The following KCNH5 variants were observed in gnomAD, a reference collection of about 807,000 sequenced individuals.
KCNH5 encodes voltage-gated delayed rectifier potassium channel KCNH5.
In KCNH5, 46 loss-of-function variants were observed where a neutral mutation model predicts 96.1. The ratio of observed to expected loss-of-function variants is 0.48; its 90% CI spans 0.38 to 0.61. The LOEUF (loss-of-function observed/expected upper bound fraction) is 0.61. KCNH5 is among the 20% of genes least tolerant of loss of function. The pLI, the probability that KCNH5 is intolerant of heterozygous loss-of-function variation, is 0.00. For synonymous variants in KCNH5, 439 were observed against 449.8 expected (o/e 0.98, Z 0.30); for missense variants, 907 against 1,225.8 (o/e 0.74, Z 3.88).
intron 10 of KCNH5, among the ~76,000 whole-genome samples, chr14:62,739,020 AT>A (rs1332159031): frequency 6.6e-6 from 1 of 152,150 alleles, no homozygotes; most frequent in Non-Finnish European, 1.5e-5. Flanking sequence ...GAGGGAATAA[AT>A]TGGACAGGAG....
rs372915251 is a variant in KCNH5, at chr14:63,020,970, A to G, written c.74-4016T>C. On this transcript the variant is annotated intron_variant, in intron 1 of 10. Coordinates refer to ENST00000322893, the MANE Select transcript of KCNH5 (RefSeq NM_139318.5). ...GCTAATTTCTGCAAAAGTACTTCAGAAAGTATAAATTCCTCTATAAATAAA... is the reference window on the plus strand; with the variant it reads ...GCTAATTTCTGCAAAAGTACTTCAGGAAGTATAAATTCCTCTATAAATAAA... 2.6e-5 allele frequency among the ~76,000 whole-genome samples: 4 copies of G among 152,164 alleles called. No homozygotes were observed. The East Asian group carries it at 5.8e-4, about 22-fold the overall frequency.
At chr14:62,868,144 C>A (rs1888172826) in intron 7 of KCNH5, among the ~76,000 whole-genome samples, 1 of 152,230 alleles carries the variant, frequency 6.6e-6, no homozygotes, top group Non-Finnish European at 1.5e-5. Context: ...CCCTCTATGC[C>A]TGGAAGGCAC....
chr14:62,925,828 G>A (rs1889465671), intron 7 of KCNH5, among the ~76,000 whole-genome samples: 1 of 151,892 alleles, frequency 6.6e-6, no homozygotes, highest in African/African-American at 2.4e-5. Context: ...TAGTTAAATG[G>A]TTGAGTGCTC....
At chr14:62,826,736 T>A (rs987120244) in intron 8 of KCNH5, among the ~76,000 whole-genome samples, 1 of 152,028 alleles carries the variant, frequency 6.6e-6, no homozygotes, top group Non-Finnish European at 1.5e-5. Flanking sequence ...TGATTTTCCT[T>A]CTAGTATTCA....
At chr14:62,839,359 C>T (rs369026552) in intron 8 of KCNH5, among the ~76,000 whole-genome samples, 2 of 152,110 alleles carry the variant, frequency 1.3e-5, no homozygotes, top group East Asian at 1.9e-4. Flanking sequence ...TATATTCTAA[C>T]ATTTATTTAT....
intron 7 of KCNH5, among the ~76,000 whole-genome samples, chr14:62,900,892 C>T (rs908160173): frequency 3.3e-5 from 5 of 152,000 alleles, no homozygotes; most frequent in African/African-American, 7.3e-5. Flanking sequence ...AGAACGCTTA[C>T]GAATCAATTA....
At chr14:62,981,299 G>GT (rs751912111) in intron 5 of KCNH5, 35 bp from the exon 6 acceptor site, 4 of 1,597,342 alleles carry the variant, frequency 2.5e-6, no homozygotes, top group African/African-American at 1.3e-5. Flanking sequence ...ACATGACTAG[G>GT]TTATCTCTGC....
chr14:62,958,368 C>A (rs895174891), intron 6 of KCNH5, among the ~76,000 whole-genome samples: 1 of 152,134 alleles, frequency 6.6e-6, no homozygotes, highest in East Asian at 1.9e-4. Context: ...AATAGCCTGG[C>A]CTTGGAGTTT....
At chr14:62,737,322 C>G (rs373572191) in intron 10 of KCNH5, among the ~76,000 whole-genome samples, 3 of 152,176 alleles carry the variant, frequency 2.0e-5, no homozygotes, top group African/African-American at 7.2e-5. Flanking sequence ...CAAGGCATAT[C>G]TATTGCATGA....
intron 10 of KCNH5, among the ~76,000 whole-genome samples, chr14:62,759,445 A>C (rs955181027): frequency 6.6e-6 from 1 of 152,122 alleles, no homozygotes; most frequent in African/African-American, 2.4e-5. Flanking sequence ...GAAAATACTG[A>C]GGTGCCTGTG....
intron 10 of KCNH5, among the ~76,000 whole-genome samples, chr14:62,778,653 G>A (rs954489374): frequency 6.6e-6 from 1 of 152,126 alleles, no homozygotes; most frequent in Non-Finnish European, 1.5e-5. Flanking sequence ...TAGGTCTATT[G>A]AGCATACGTA....
At chr14:63,028,285 G>C (rs889778490) in intron 1 of KCNH5, among the ~76,000 whole-genome samples, 6 of 152,070 alleles carry the variant, frequency 3.9e-5, no homozygotes, top group African/African-American at 1.4e-4. Context: ...GCAGGGTCCA[G>C]CTATCACTAC....
intron 10 of KCNH5, among the ~76,000 whole-genome samples, chr14:62,745,296 A>G (rs1206063297): frequency 6.6e-6 from 1 of 152,330 alleles, no homozygotes; most frequent in South Asian, 2.1e-4. Context: ...TATCCTAAAC[A>G]TAGTGGCAGC....
intron 1 of KCNH5, among the ~76,000 whole-genome samples, chr14:63,034,828 A>G (rs1566549282): frequency 1.3e-5 from 2 of 152,212 alleles, no homozygotes; most frequent in Non-Finnish European, 2.9e-5. Context: ...AATAATAGCA[A>G]CTTTGCTATT....
intron 6 of KCNH5, among the ~76,000 whole-genome samples, chr14:62,972,447 G>A (rs991353802): frequency 4.6e-5 from 7 of 152,290 alleles, no homozygotes; most frequent in Non-Finnish European, 5.9e-5. Context: ...CAGTTTGAAA[G>A]TTTCTTACAA....
At chr14:62,981,444 A>G (rs1375747554) in intron 5 of KCNH5, among the ~76,000 whole-genome samples, 180 bp from the exon 6 acceptor site, 1 of 152,194 alleles carries the variant, frequency 6.6e-6, no homozygotes, top group Non-Finnish European at 1.5e-5. Flanking sequence ...TCACTCTACC[A>G]AAGCTGATCT....
At chr14:62,847,244 T>C (rs1209228561) in intron 8 of KCNH5, among the ~76,000 whole-genome samples, 1 of 151,134 alleles carries the variant, frequency 6.6e-6, no homozygotes, top group Non-Finnish European at 1.5e-5. Flanking sequence ...TCAGGTTCTT[T>C]ACAAAACCAG....
chr14:62,960,601 T>G (rs1594646758), intron 6 of KCNH5, among the ~76,000 whole-genome samples: 1 of 152,276 alleles, frequency 6.6e-6, no homozygotes, highest in East Asian at 1.9e-4. Flanking sequence ...GGGCCCTTAT[T>G]CTAAATAGAT....
At chr14:62,733,279 G>T (rs546823925) in intron 10 of KCNH5, among the ~76,000 whole-genome samples, 37 of 152,024 alleles carry the variant, frequency 2.4e-4, no homozygotes, top group Admixed American at 1.4e-3. Context: ...ATTTGAAGAC[G>T]AATTAGTCCA....
Sources: allele counts gnomAD v4.1 joint callset (sites outside exome capture counted in the v4.1 genomes callset), GRCh38; gene constraint gnomAD v4.1.1; transcripts MANE v1.5; gene names NCBI Gene and HGNC (gene_info 2026-07-23, HGNC 2026-07-21).